Variants in STPG2 observed in about 807,000 individuals in gnomAD.
STPG2 encodes the protein sperm tail PG-rich repeat containing 2.
STPG2 carries 56 observed loss-of-function variants against 54.2 expected under a neutral mutation model. The ratio of observed to expected loss-of-function variants is 1.03; its 90% CI spans 0.83 to 1.29. The LOEUF is 1.29. Among genes scored for constraint, STPG2 ranks in the 50% most tolerant of loss-of-function variants. The pLI, the probability that STPG2 is intolerant of heterozygous loss-of-function variation, is 0.00. For missense variants in STPG2, 596 were observed against 544.9 expected (o/e 1.09, Z -0.93); for synonymous variants, 200 against 181.8 (o/e 1.10, Z -0.81).
rs550868814 is a variant in STPG2, at chr4:97,637,548, A to T, written c.1320+75151T>A. 2.6e-4 allele frequency among the ~76,000 whole-genome samples: 39 copies of T among 152,294 alleles called. 1 individual carries two copies. In the South Asian group the frequency reaches 4.8e-3, roughly 19 times the overall value. ...TATTCAATTAGGAAAAGAGGAAGTC[A>T]AATTGTCCCTGTTTGCTGATGACAT... On this transcript the variant is annotated intron_variant, in intron 10 of 10. Coordinates refer to ENST00000295268, the MANE Select transcript of STPG2 (RefSeq NM_174952.3).
At chr4:97,852,717 TA>T (rs1466383735) in intron 8 of STPG2, among the ~76,000 whole-genome samples, 2 of 152,006 alleles carry the variant, frequency 1.3e-5, no homozygotes, top group South Asian at 2.1e-4. Context: ...AGAAATACAC[TA>T]TGCAAAAGGT....
At chr4:97,746,400 A>G (rs1382649540) in intron 9 of STPG2, among the ~76,000 whole-genome samples, 1 of 151,326 alleles carries the variant, frequency 6.6e-6, no homozygotes, top group Non-Finnish European at 1.5e-5. Flanking sequence ...TGCCTCTGCA[A>G]CATACTCACA....
At chr4:97,995,947 C>A (rs1735193816) in intron 5 of STPG2, among the ~76,000 whole-genome samples, 1 of 152,126 alleles carries the variant, frequency 6.6e-6, no homozygotes, top group East Asian at 1.9e-4. Flanking sequence ...ATGACACAAA[C>A]AGACAAAAAA....
At chr4:97,964,737 T>C (rs928790006) in intron 7 of STPG2, among the ~76,000 whole-genome samples, 10 of 152,212 alleles carry the variant, frequency 6.6e-5, no homozygotes, top group Admixed American at 5.9e-4. Context: ...GTTCCTTCTG[T>C]TGTTGTCTTA....
intron 8 of STPG2, among the ~76,000 whole-genome samples, chr4:97,869,549 T>G (rs1477680519): frequency 6.6e-6 from 1 of 151,672 alleles, no homozygotes; most frequent in Non-Finnish European, 1.5e-5. Context: ...AGGAGATAAA[T>G]GGAAAAGACA....
At chr4:97,451,448 G>A (rs1729361617) in intron 4 of STPG2, among the ~76,000 whole-genome samples, 2 of 152,040 alleles carry the variant, frequency 1.3e-5, no homozygotes, top group Admixed American at 1.3e-4. Flanking sequence ...GAACAGCAAT[G>A]AACTTCTTTT....
At chr4:97,927,825 G>A (rs1444797037) in intron 8 of STPG2, among the ~76,000 whole-genome samples, 1 of 151,980 alleles carries the variant, frequency 6.6e-6, no homozygotes, top group African/African-American at 2.4e-5. Context: ...GAGTTAATAT[G>A]CATTTGGAAT....
At chr4:97,934,057 T>A (rs1221512454) in intron 8 of STPG2, among the ~76,000 whole-genome samples, 3 of 152,216 alleles carry the variant, frequency 2.0e-5, no homozygotes, top group Non-Finnish European at 4.4e-5. Flanking sequence ...TGGTTTGTAG[T>A]TCTCCTAAAG....
intron 8 of STPG2, among the ~76,000 whole-genome samples, chr4:97,941,701 TTTA>T (rs1391186346): frequency 6.6e-6 from 1 of 152,020 alleles, no homozygotes; most frequent in African/African-American, 2.4e-5. Context: ...GGAGGTAAAT[TTTA>T]TTTTTATTTA....
intron 10 of STPG2, among the ~76,000 whole-genome samples, chr4:97,565,738 C>A (rs1341297729): frequency 6.6e-6 from 1 of 152,168 alleles, no homozygotes; most frequent in Non-Finnish European, 1.5e-5. Flanking sequence ...GCGGTGGCTG[C>A]AGAACAGCGG....
In STPG2 at chr4:98,090,111, T is replaced by C. The variant is rs191906020; in HGVS notation, c.612+15842A>G. Among the ~76,000 whole-genome samples the C allele has an allele frequency of 2.1e-3, 325 of 152,284 alleles. 1 individual carries two copies. The highest frequency in any genetic ancestry group is 7.3e-3 in the African/African-American group (305 of 41,556). ...GCGTTTGCTTTTGGGGTCTTAGTTATGAATTATTTGCCTAAGCCAATGTCT... is the reference window on the plus strand; with the variant it reads ...GCGTTTGCTTTTGGGGTCTTAGTTACGAATTATTTGCCTAAGCCAATGTCT... On this transcript the variant is annotated intron_variant, in intron 5 of 10. Coordinates refer to ENST00000295268, the MANE Select transcript of STPG2 (RefSeq NM_174952.3).
downstream of STPG2, among the ~76,000 whole-genome samples, chr4:97,554,849 G>A (rs1454040096): frequency 6.6e-6 from 1 of 152,098 alleles, no homozygotes; most frequent in African/African-American, 2.4e-5. Flanking sequence ...GCTAGTGATG[G>A]GGCTCAGAAT....
Position 97,588,737 on chromosome 4 carries a change from G to A in STPG2, c.1321-29620C>T, listed in dbSNP as rs72890804. ...ACCCACAACTTGGATTTGTTTTACCGATATGATTATCAAAGTTTTCCAAGA... is the reference window on the plus strand; with the variant it reads ...ACCCACAACTTGGATTTGTTTTACCAATATGATTATCAAAGTTTTCCAAGA... On this transcript the variant is annotated intron_variant, in intron 10 of 10. Coordinates refer to ENST00000295268, the MANE Select transcript of STPG2 (RefSeq NM_174952.3). 3.4e-3 allele frequency among the ~76,000 whole-genome samples: 521 copies of A among 152,094 alleles called. 2 individuals carry two copies. Among genetic ancestry groups the A allele is most frequent in the African/African-American group, 0.012 (501 of 41,518 alleles).
At chr4:97,486,474 C>T (rs1278087806) in intron 4 of STPG2, among the ~76,000 whole-genome samples, 1 of 151,706 alleles carries the variant, frequency 6.6e-6, no homozygotes, top group African/African-American at 2.4e-5. Flanking sequence ...GCAATACCAC[C>T]TACTCCTGCA....
intron 9 of STPG2, among the ~76,000 whole-genome samples, chr4:97,797,324 T>C (rs938446303): frequency 2.0e-5 from 3 of 152,224 alleles, no homozygotes; most frequent in African/African-American, 7.2e-5. Context: ...GGCTGTGGGT[T>C]TGTCATAAAT....
At chr4:97,996,798 AG>A (rs1468108974) in intron 5 of STPG2, among the ~76,000 whole-genome samples, 1 of 152,238 alleles carries the variant, frequency 6.6e-6, no homozygotes, top group Non-Finnish European at 1.5e-5. Context: ...ATTTTGCAAA[AG>A]AAAACATGCA....
At chr4:97,675,662 T>G (rs1210546561) in intron 10 of STPG2, among the ~76,000 whole-genome samples, 7 of 151,874 alleles carry the variant, frequency 4.6e-5, no homozygotes, top group Non-Finnish European at 1.0e-4. Flanking sequence ...TGTTTCCATG[T>G]GTGGGTGCAT....
chr4:98,066,543 C>T (rs1265244597), intron 5 of STPG2, among the ~76,000 whole-genome samples: 1 of 152,004 alleles, frequency 6.6e-6, no homozygotes, highest in African/African-American at 2.4e-5. Context: ...GAGCTGAGAT[C>T]GTGCCACTGC....
chr4:97,934,645 A>G (rs1281016863), intron 8 of STPG2, among the ~76,000 whole-genome samples: 1 of 152,202 alleles, frequency 6.6e-6, no homozygotes, highest in Non-Finnish European at 1.5e-5. Flanking sequence ...AGTTCTGATT[A>G]TGTGATGAAT....
Sources: gnomAD v4.1 joint callset for allele counts (sites outside exome capture counted in the v4.1 genomes callset) on GRCh38, gnomAD v4.1.1 for gene constraint, MANE v1.5 for transcripts, NCBI Gene and HGNC (gene_info 2026-07-23, HGNC 2026-07-21) for gene names.